BICC1: variants seen among roughly 807,000 people sequenced by gnomAD.
BICC1 encodes protein bicaudal C homolog 1.
BICC1 carries 43 observed loss-of-function variants against 111.0 expected under a neutral mutation model. That is an observed-to-expected ratio of 0.39 (90% CI 0.30 to 0.50). BICC1 has a LOEUF of 0.50. Among genes scored for constraint, BICC1 ranks in the 20% least tolerant of loss-of-function variants. BICC1 has a pLI of 0.88. For synonymous variants in BICC1, 467 were observed against 434.4 expected (o/e 1.07, Z -0.93); for missense variants, 1,091 against 1,203.2 (o/e 0.91, Z 1.38).
intron 2 of BICC1, among the ~76,000 whole-genome samples, chr10:58,647,332 T>C (rs1237245562): frequency 2.0e-5 from 3 of 152,222 alleles, no homozygotes; most frequent in Non-Finnish European, 4.4e-5. Flanking sequence ...GAAATTTAGT[T>C]CATAAAACAT....
chr10:58,620,979 C>G, intron 2 of BICC1, 78 bp downstream of exon 2: 3 of 1,243,608 alleles, frequency 2.4e-6, no homozygotes, highest in Admixed American at 2.0e-5. Flanking sequence ...TAGAAGCCAC[C>G]GAACGCTCCC....
chr10:58,807,017 A>G lies in BICC1; in HGVS notation c.2235A>G (p.Lys745=), dbSNP rs1037342951. 1.9e-6 allele frequency: 3 copies of G among 1,612,920 alleles called. No homozygotes were observed. Among genetic ancestry groups the G allele is most frequent in the African/African-American group, 1.3e-5 (1 of 75,000 alleles). Residue 745 remains lysine (K), a synonymous_variant, in exon 17 of 21, where the codon AAA becomes AAG. Transcript: ENST00000373886. The part of the protein sequence containing the change: ...KLLATKAMLK[K]PVVTEVRTPT... ...TTGTTTCCAAAGCTATGTTAAAGAA[A>G]CCAGTGGTGACGGAGGTCAGAACGC...
At chr10:58,792,425 C>G (rs566723913) in intron 8 of BICC1, among the ~76,000 whole-genome samples, 1 of 152,110 alleles carries the variant, frequency 6.6e-6, no homozygotes, top group Non-Finnish European at 1.5e-5. Flanking sequence ...GGACAAGGAC[C>G]GGACCAATAC....
rs1367208709 is a variant in BICC1 at position 58,788,374 on chromosome 10, C to G, written c.551C>G (p.Ser184Cys). 6.2e-7 allele frequency: 1 copy of G among 1,608,142 alleles called. No individual in the cohort carries two copies. Among genetic ancestry groups the G allele is most frequent in the East Asian group, 2.2e-5 (1 of 44,800 alleles). Residue 184 changes from serine to cysteine, a missense_variant, in exon 6 of 21, where the codon TCT (serine) becomes TGT (cysteine). Physicochemically the swap from Ser to Cys is moderately radical, Grantham distance 112. Transcript: ENST00000373886. ...TGTATTTTCCTCCTCTTATAGGTAT[C>G]TATAGCGGGACAACCAGCAGGAGTA... Reference protein sequence around the residue: ...NNQAEKSNQVSIAGQPAGVES... With the variant: ...NNQAEKSNQVCIAGQPAGVES...
Position 58,691,089 on chromosome 10 carries a change from A to G in BICC1, c.238-10985A>G, listed in dbSNP as rs544502686. Reference sequence around the variant, plus strand: ...ATCCAAGAGACCATCACCACAAGCTATCCACCCTCTCTGAAAGTTTCCTCC... The same window carrying G: ...ATCCAAGAGACCATCACCACAAGCTGTCCACCCTCTCTGAAAGTTTCCTCC... On this transcript the variant is annotated intron_variant, in intron 2 of 20. Coordinates refer to ENST00000373886, the MANE Select transcript of BICC1 (RefSeq NM_001080512.3). Among the ~76,000 whole-genome samples the G allele has an allele frequency of 3.9e-5, 6 of 152,316 alleles. No homozygotes were observed. The South Asian group carries it at 1.0e-3, about 26-fold the overall frequency.
At chr10:58,730,705 A>G (rs1841262193) in intron 3 of BICC1, among the ~76,000 whole-genome samples, 1 of 152,058 alleles carries the variant, frequency 6.6e-6, no homozygotes, top group South Asian at 2.1e-4. Flanking sequence ...TGATCTTAAC[A>G]CAGTGTAGAA....
At chr10:58,824,594 A>C (rs768812783) in intron 20 of BICC1, among the ~76,000 whole-genome samples, 2 of 152,088 alleles carry the variant, frequency 1.3e-5, no homozygotes, top group African/African-American at 4.8e-5. Flanking sequence ...TACAACCTGA[A>C]TCTGTGTCGT....
At chr10:58,642,808 A>G (rs902951014) in intron 2 of BICC1, among the ~76,000 whole-genome samples, 1 of 152,024 alleles carries the variant, frequency 6.6e-6, no homozygotes, top group African/African-American at 2.4e-5. Context: ...GGGCTTAGGC[A>G]ATTCTCCCCA....
At chr10:58,775,405 A>G (rs1842724432) in intron 3 of BICC1, among the ~76,000 whole-genome samples, 1 of 151,892 alleles carries the variant, frequency 6.6e-6, no homozygotes, top group Admixed American at 6.6e-5. Flanking sequence ...AACAAAAAAA[A>G]ACAAACAAAA....
At chr10:58,661,227 T>G (rs939685814) in intron 2 of BICC1, among the ~76,000 whole-genome samples, 178 of 106,750 alleles carry the variant, frequency 1.7e-3, no homozygotes, top group African/African-American at 5.7e-3. Context: ...TTTTTTTTTT[T>G]TGTCCCTGAA....
chr10:58,769,138 G>A lies in BICC1; in HGVS notation c.308-15863G>A, dbSNP rs78113819. 2.2e-3 allele frequency among the ~76,000 whole-genome samples: 340 copies of A among 152,014 alleles called. 1 individual carries two copies. Among genetic ancestry groups the A allele is most frequent in the Non-Finnish European group, 4.2e-3 (282 of 67,890 alleles). On this transcript the variant is annotated intron_variant, in intron 3 of 20. Transcript: ENST00000373886. Reference sequence around the variant, plus strand: ...AATTGTACTAACAGGGATTGAGTGTGAGGACAATGGGGAGATGTTGGTCAA... The same window carrying A: ...AATTGTACTAACAGGGATTGAGTGTAAGGACAATGGGGAGATGTTGGTCAA...
chr10:58,609,531 A>G (rs1845344913), intron 1 of BICC1, among the ~76,000 whole-genome samples: 1 of 152,254 alleles, frequency 6.6e-6, no homozygotes, highest in Admixed American at 6.5e-5. Context: ...GAAACAAAAC[A>G]GGTAAGATTA....
At chr10:58,815,124 T>C (rs1202548271) in intron 18 of BICC1, among the ~76,000 whole-genome samples, 8 of 152,074 alleles carry the variant, frequency 5.3e-5, no homozygotes, top group Admixed American at 5.2e-4. Flanking sequence ...TTGACAAATT[T>C]GGAATCCTGA....
At chr10:58,603,989 C>G (rs1476080318) in intron 1 of BICC1, among the ~76,000 whole-genome samples, 3 of 152,130 alleles carry the variant, frequency 2.0e-5, no homozygotes, top group Non-Finnish European at 2.9e-5. Flanking sequence ...AAGTTCAGAT[C>G]TATATTTCTG....
intron 1 of BICC1, among the ~76,000 whole-genome samples, chr10:58,517,779 G>A (rs1476097180): frequency 3.9e-5 from 6 of 152,128 alleles, no homozygotes; most frequent in African/African-American, 1.2e-4. Context: ...ACCTCCTGAG[G>A]TAGTTTTGAA....
At chr10:58,639,265 G>T (rs1178542300) in intron 2 of BICC1, among the ~76,000 whole-genome samples, 1 of 152,148 alleles carries the variant, frequency 6.6e-6, no homozygotes, top group Non-Finnish European at 1.5e-5. Context: ...CCAAGAAGCA[G>T]CTCACAGAGC....
intron 1 of BICC1, among the ~76,000 whole-genome samples, chr10:58,563,407 G>A (rs1245683531): frequency 6.6e-6 from 1 of 152,122 alleles, no homozygotes; most frequent in African/African-American, 2.4e-5. Context: ...AGCATTGCAG[G>A]CATCCATGGT....
intron 3 of BICC1, among the ~76,000 whole-genome samples, chr10:58,738,772 G>T: frequency 6.6e-6 from 1 of 151,456 alleles, no homozygotes; most frequent in East Asian, 1.9e-4. Context: ...ATTGAGCAGT[G>T]GTTTGTAGTT....
At chr10:58,693,032 C>G (rs1839958705) in intron 2 of BICC1, among the ~76,000 whole-genome samples, 2 of 151,976 alleles carry the variant, frequency 1.3e-5, no homozygotes, top group Admixed American at 1.3e-4. Flanking sequence ...CCACAACATT[C>G]CCGAAGTGTG....
Sources: gnomAD v4.1 joint callset for allele counts (sites outside exome capture counted in the v4.1 genomes callset) on GRCh38, gnomAD v4.1.1 for gene constraint, MANE v1.5 for transcripts, NCBI Gene and HGNC (gene_info 2026-07-23, HGNC 2026-07-21) for gene names.